NKAIN3: variants seen among roughly 807,000 people sequenced by gnomAD.
NKAIN3 encodes sodium/potassium transporting ATPase interacting 3, also known as sodium/potassium-transporting ATPase subunit beta-1-interacting protein 3.
A neutral mutation model predicts 30.2 loss-of-function variants in NKAIN3; 25 were observed. That is an observed-to-expected ratio of 0.83 (90% CI 0.60 to 1.16). The LOEUF (loss-of-function observed/expected upper bound fraction) is 1.16, where lower values mean the gene tolerates loss of function less well. Among genes scored for constraint, NKAIN3 ranks in the 50% most tolerant of loss-of-function variants. The pLI is 0.00. For synonymous variants in NKAIN3, 91 were observed against 89.6 expected (o/e 1.02, Z -0.09); for missense variants, 225 against 254.1 (o/e 0.89, Z 0.78).
At chr8:62,734,842 TCTTTC>T (rs965983300) in intron 3 of NKAIN3, among the ~76,000 whole-genome samples, 4 of 152,216 alleles carry the variant, frequency 2.6e-5, no homozygotes, top group African/African-American at 4.8e-5. Flanking sequence ...TAAAATTTCA[TCTTTC>T]CTTTATTTAT....
intron 1 of NKAIN3, among the ~76,000 whole-genome samples, chr8:62,249,508 C>T (rs1352623509): frequency 2.0e-5 from 3 of 152,244 alleles, no homozygotes; most frequent in Non-Finnish European, 4.4e-5. Context: ...GACTTGCGGG[C>T]TCTTTCTTCT....
At chr8:62,687,575 C>T (rs1377424280) in intron 3 of NKAIN3, among the ~76,000 whole-genome samples, 1 of 152,204 alleles carries the variant, frequency 6.6e-6, no homozygotes, top group African/African-American at 2.4e-5. Flanking sequence ...TATTCCCAAG[C>T]CCTCCAACCC....
intron 4 of NKAIN3, among the ~76,000 whole-genome samples, chr8:62,878,725 T>C (rs1471812061): frequency 1.4e-5 from 2 of 142,706 alleles, no homozygotes; most frequent in Non-Finnish European, 3.0e-5. Context: ...TGTGTTCTCA[T>C]TGTTCAATTC....
chr8:62,269,365 A>G (rs1812704281), intron 1 of NKAIN3, among the ~76,000 whole-genome samples: 1 of 152,178 alleles, frequency 6.6e-6, no homozygotes, highest in Admixed American at 6.5e-5. Flanking sequence ...TGCCCAGTTT[A>G]TGGAATTCTT....
At chr8:62,908,503 TA>T (rs1375753948) in intron 4 of NKAIN3, among the ~76,000 whole-genome samples, 1 of 102,234 alleles carries the variant, frequency 9.8e-6, no homozygotes, top group Non-Finnish European at 1.8e-5. Flanking sequence ...CATCTTGAAT[TA>T]TAGCTCCTAT....
chr8:62,440,692 CT>C (rs1375952334), intron 1 of NKAIN3, among the ~76,000 whole-genome samples: 14 of 141,104 alleles, frequency 9.9e-5, no homozygotes, highest in African/African-American at 3.5e-4. Flanking sequence ...TCTTTTTCTT[CT>C]TCTTCTTTAT....
At chr8:62,933,387 A>G (rs1039207630) in intron 5 of NKAIN3, among the ~76,000 whole-genome samples, 54 of 152,246 alleles carry the variant, frequency 3.5e-4, no homozygotes, top group African/African-American at 1.2e-3. Context: ...CTTGATTTAA[A>G]GAGCAAAGTA....
intron 3 of NKAIN3, among the ~76,000 whole-genome samples, chr8:62,683,334 A>C (rs1274335956): frequency 1.3e-5 from 2 of 152,126 alleles, no homozygotes; most frequent in Non-Finnish European, 2.9e-5. Flanking sequence ...ACGCCTGGCC[A>C]CTATGGGTCA....
chr8:62,712,092 A>G (rs1025603873), intron 3 of NKAIN3, among the ~76,000 whole-genome samples: 1 of 152,176 alleles, frequency 6.6e-6, no homozygotes, highest in African/African-American at 2.4e-5. Flanking sequence ...GATGTGAACC[A>G]TCTATGGGTT....
intron 3 of NKAIN3, among the ~76,000 whole-genome samples, chr8:62,619,788 G>T (rs1811568200): frequency 6.6e-6 from 1 of 151,662 alleles, no homozygotes; most frequent in African/African-American, 2.4e-5. Context: ...TTGGCTTTTA[G>T]GGTCTTCCTA....
intron 5 of NKAIN3, among the ~76,000 whole-genome samples, chr8:62,997,790 T>G (rs1486229043): frequency 6.7e-6 from 1 of 150,094 alleles, no homozygotes; most frequent in East Asian, 2.0e-4. Flanking sequence ...GGAGGAACAA[T>G]GTATGGTGAG....
At chr8:62,500,872 A>G (rs1007250161) in intron 1 of NKAIN3, among the ~76,000 whole-genome samples, 1 of 152,068 alleles carries the variant, frequency 6.6e-6, no homozygotes, top group Non-Finnish European at 1.5e-5. Context: ...CTCTATGTCT[A>G]TGTGATGATC....
intron 4 of NKAIN3, among the ~76,000 whole-genome samples, chr8:62,866,351 G>C (rs1421620280): frequency 6.6e-6 from 1 of 152,202 alleles, no homozygotes; most frequent in Non-Finnish European, 1.5e-5. Flanking sequence ...AGGTAACAGT[G>C]ATCATATTCA....
chr8:62,304,537 A>G (rs1317470623), intron 1 of NKAIN3, among the ~76,000 whole-genome samples: 3 of 149,240 alleles, frequency 2.0e-5, no homozygotes, highest in South Asian at 2.1e-4. Flanking sequence ...TAGCACATCT[A>G]TCACCTCAAA....
intron 1 of NKAIN3, among the ~76,000 whole-genome samples, chr8:62,378,881 T>C (rs1817180793): frequency 6.6e-6 from 1 of 152,162 alleles, no homozygotes; most frequent in African/African-American, 2.4e-5. Flanking sequence ...AGTGGAACTC[T>C]GAGAAGAGGG....
At chr8:62,427,571 T>C (rs1804846464) in intron 1 of NKAIN3, among the ~76,000 whole-genome samples, 1 of 152,036 alleles carries the variant, frequency 6.6e-6, no homozygotes, top group African/African-American at 2.4e-5. Context: ...CATGATTTAT[T>C]AGTAAATCTT....
At chr8:62,835,297 C>A (rs1824986) in intron 4 of NKAIN3, among the ~76,000 whole-genome samples, 13,535 of 152,034 alleles carry the variant, frequency 0.089, 853 homozygotes, top group East Asian at 0.27. Context: ...AAAGCAATTG[C>A]AACAAAAACA....
intron 1 of NKAIN3, among the ~76,000 whole-genome samples, chr8:62,272,158 T>G (rs925102359): frequency 3.3e-5 from 5 of 152,190 alleles, no homozygotes; most frequent in African/African-American, 1.2e-4. Flanking sequence ...AAAATGTTGT[T>G]CCTAGATTCA....
chr8:62,832,737 C>T (rs979583501), intron 4 of NKAIN3, among the ~76,000 whole-genome samples: 2 of 152,022 alleles, frequency 1.3e-5, no homozygotes, highest in African/African-American at 4.8e-5. Flanking sequence ...GCCAAACAAT[C>T]ATAGTGAGGG....
Sources: gnomAD v4.1 joint callset for allele counts (sites outside exome capture counted in the v4.1 genomes callset) on GRCh38, gnomAD v4.1.1 for gene constraint, MANE v1.5 for transcripts, NCBI Gene and HGNC (gene_info 2026-07-23, HGNC 2026-07-21) for gene names.